MAGI2: variants seen among roughly 807,000 people sequenced by gnomAD.
The protein encoded by MAGI2 is membrane-associated guanylate kinase, WW and PDZ domain-containing protein 2.
MAGI2 carries 35 observed loss-of-function variants against 133.3 expected under a neutral mutation model. The ratio of observed to expected loss-of-function variants is 0.26; its 90% confidence interval spans 0.20 to 0.35. MAGI2 has a LOEUF of 0.35. Among genes scored for constraint, MAGI2 ranks in the 10% least tolerant of loss-of-function variants. The probability of loss-of-function intolerance (pLI) is 1.00; values close to 1 mark genes in which losing one functional copy is unlikely to be tolerated. For missense variants in MAGI2, 1,636 were observed against 1,863.4 expected (o/e 0.88, Z 2.25); for synonymous variants, 729 against 710.6 (o/e 1.03, Z -0.41).
At chr7:79,110,078 T>C (rs1157871167) in intron 1 of MAGI2, among the ~76,000 whole-genome samples, 2 of 151,838 alleles carry the variant, frequency 1.3e-5, no homozygotes, top group Non-Finnish European at 2.9e-5. Flanking sequence ...CTTCATGGTT[T>C]CCACATGGTT....
chr7:79,026,791 T>A (rs1809931110), intron 1 of MAGI2, among the ~76,000 whole-genome samples: 1 of 151,596 alleles, frequency 6.6e-6, no homozygotes, highest in African/African-American at 2.4e-5. Context: ...GAAAATCGCT[T>A]GAGCCCCGAG....
chr7:78,916,514 C>T (rs1309880886), intron 2 of MAGI2, among the ~76,000 whole-genome samples: 1 of 151,916 alleles, frequency 6.6e-6, no homozygotes, highest in Non-Finnish European at 1.5e-5. Context: ...ATAATTGTCA[C>T]AATAAAGAAT....
Position 78,848,329 on chromosome 7 carries a change from A to G in MAGI2, c.418+158761T>C, listed in dbSNP as rs150184758. ...CTTCACCCTCCACATCCAATACATC[A>G]TCTGCCCAGGGACATCACAAATCTA... On this transcript the variant is annotated intron_variant, in intron 2 of 21. Coordinates refer to ENST00000354212, the MANE Select transcript of MAGI2 (RefSeq NM_012301.4). 3.3e-3 allele frequency among the ~76,000 whole-genome samples: 506 copies of G among 151,956 alleles called. 4 individuals carry two copies. Among genetic ancestry groups the G allele is most frequent in the African/African-American group, 0.012 (480 of 41,488 alleles).
intron 6 of MAGI2, among the ~76,000 whole-genome samples, chr7:78,434,200 C>G (rs1433109202): frequency 2.0e-5 from 3 of 152,040 alleles, no homozygotes; most frequent in Admixed American, 1.3e-4. Context: ...TTGGTAGAAA[C>G]AGTACTAGAT....
intron 2 of MAGI2, among the ~76,000 whole-genome samples, chr7:78,914,795 T>C (rs1798665014): frequency 1.3e-5 from 2 of 152,106 alleles, no homozygotes; most frequent in South Asian, 4.1e-4. Context: ...AAAAATATTT[T>C]TTTAACAATT....
At chr7:78,086,210 T>A (rs1816616256) in intron 20 of MAGI2, among the ~76,000 whole-genome samples, 1 of 151,006 alleles carries the variant, frequency 6.6e-6, no homozygotes, top group Admixed American at 6.6e-5. Flanking sequence ...TCCTTACTCT[T>A]CTAGGGCTCT....
chr7:78,855,423 G>A (rs941007523), intron 2 of MAGI2, among the ~76,000 whole-genome samples: 1 of 152,020 alleles, frequency 6.6e-6, no homozygotes, highest in Non-Finnish European at 1.5e-5. Context: ...CCCCATGACA[G>A]GCCCCAGTGT....
chr7:78,568,979 C>A (rs1363365893), intron 3 of MAGI2, among the ~76,000 whole-genome samples: 1 of 151,974 alleles, frequency 6.6e-6, no homozygotes, highest in African/African-American at 2.4e-5. Flanking sequence ...TTGCTGTTTG[C>A]CCTAAATTCA....
At chr7:78,917,017 G>T (rs192447381) in intron 2 of MAGI2, among the ~76,000 whole-genome samples, 1 of 152,194 alleles carries the variant, frequency 6.6e-6, no homozygotes, top group East Asian at 1.9e-4. Flanking sequence ...GGTAAAGAGA[G>T]ATACCCAAAG....
intron 10 of MAGI2, among the ~76,000 whole-genome samples, chr7:78,245,725 CACCT>C (rs1260397094): frequency 3.3e-5 from 5 of 152,134 alleles, no homozygotes; most frequent in Non-Finnish European, 7.3e-5. Context: ...ACACCTTGGA[CACCT>C]GCAGTCCTCA....
At chr7:78,380,780 G>C (rs944864451) in intron 6 of MAGI2, among the ~76,000 whole-genome samples, 1 of 152,024 alleles carries the variant, frequency 6.6e-6, no homozygotes, top group Non-Finnish European at 1.5e-5. Flanking sequence ...TGAAGGGTTG[G>C]ATATCCCGTT....
At chr7:78,025,117 T>G (rs1401219949) in intron 21 of MAGI2, among the ~76,000 whole-genome samples, 1 of 152,214 alleles carries the variant, frequency 6.6e-6, no homozygotes, top group Non-Finnish European at 1.5e-5. Context: ...TTTCCCCTCA[T>G]TGCCTATTCT....
chr7:78,649,222 T>TAAAAAAAAAAAAAAAAAAA (rs1361378575), intron 2 of MAGI2, among the ~76,000 whole-genome samples: 639 of 44,236 alleles, frequency 0.014, 52 homozygotes, highest in Non-Finnish European at 0.017. Flanking sequence ...TGACTTGTGG[T>TAAAAAAAAAAAAAAAAAAA]AAAAAAAAAA....
chr7:78,999,990 G>T (rs1222997345), intron 2 of MAGI2, among the ~76,000 whole-genome samples: 1 of 152,130 alleles, frequency 6.6e-6, no homozygotes, highest in Non-Finnish European at 1.5e-5. Context: ...AAAAAGAGTT[G>T]CCAAATTGAT....
intron 1 of MAGI2, among the ~76,000 whole-genome samples, chr7:79,051,348 A>G (rs976751114): frequency 8.5e-5 from 13 of 152,178 alleles, no homozygotes; most frequent in African/African-American, 2.9e-4. Context: ...TGAGCAATAA[A>G]TCCCAACTTG....
chr7:79,121,634 A>G (rs1293324175), intron 1 of MAGI2, among the ~76,000 whole-genome samples: 1 of 152,020 alleles, frequency 6.6e-6, no homozygotes, highest in African/African-American at 2.4e-5. Flanking sequence ...CCTTTATCCA[A>G]CATTCTTCTC....
chr7:78,344,467 CAAT>C (rs1790698905), intron 8 of MAGI2, among the ~76,000 whole-genome samples: 3 of 151,834 alleles, frequency 2.0e-5, no homozygotes, highest in African/African-American at 2.4e-5. Context: ...AATAAGAGCA[CAAT>C]ATTTCAGCAT....
intron 2 of MAGI2, among the ~76,000 whole-genome samples, chr7:78,634,995 G>C (rs1809474263): frequency 6.6e-6 from 1 of 152,164 alleles, no homozygotes; most frequent in Admixed American, 6.5e-5. Flanking sequence ...AAAATGCTAA[G>C]TTGAGGCTTT....
At chr7:78,854,785 G>C (rs1311781514) in intron 2 of MAGI2, among the ~76,000 whole-genome samples, 2 of 151,710 alleles carry the variant, frequency 1.3e-5, no homozygotes, top group African/African-American at 4.8e-5. Context: ...TTACAGATTG[G>C]TATTTATTTC....
Sources: allele counts gnomAD v4.1 joint callset (sites outside exome capture counted in the v4.1 genomes callset), GRCh38; gene constraint gnomAD v4.1.1; transcripts MANE v1.5; gene names NCBI Gene and HGNC (gene_info 2026-07-23, HGNC 2026-07-21).